MBTD1: variants seen among roughly 807,000 people sequenced by gnomAD.
MBTD1 encodes MBT domain-containing protein 1.
Under a neutral mutation model 87.8 loss-of-function variants are expected in MBTD1, and 24 were observed. That is an observed-to-expected ratio of 0.27 (90% confidence interval 0.20 to 0.38). The LOEUF is 0.38. MBTD1 is among the 10% of genes least tolerant of loss of function. MBTD1 has a pLI of 1.00. For missense variants in MBTD1, 436 were observed against 760.2 expected (o/e 0.57, Z 5.02); for synonymous variants, 237 against 248.6 (o/e 0.95, Z 0.44).
Position 51,203,779 on chromosome 17 carries a change from T to C in MBTD1, c.739+12A>G. ...ATAAAAAAATTACGGTAAGGGTAAA[T>C]AAACTACTTACTTCTAGGAGGAACA... On this transcript the variant is annotated intron_variant, in intron 8 of 16. Coordinates refer to ENST00000586178, the MANE Select transcript of MBTD1 (RefSeq NM_017643.3). The C allele has an allele frequency of 6.2e-7, 1 of 1,603,500 alleles. No homozygotes were observed. Among genetic ancestry groups the C allele is most frequent in the Non-Finnish European group, 8.5e-7 (1 of 1,177,338 alleles).
chr17:51,180,429 C>T lies in MBTD1; in HGVS notation c.*147G>A, dbSNP rs3803886. ...CCCCCTGCCCCCCCGACTAAAATAG[C>T]TCCCCCACCCACCTGAAAAATCTGG... On this transcript the variant is annotated 3_prime_UTR_variant, in exon 17 of 17. Coordinates refer to ENST00000586178, the MANE Select transcript of MBTD1 (RefSeq NM_017643.3). 75,423 of 117,646 alleles carry T rather than the reference C, an allele frequency of 0.64. 21,073 individuals are homozygous for T. Among genetic ancestry groups the T allele is most frequent in the African/African-American group, 0.76 (25,279 of 33,220 alleles). The allele number at this position is 117,646 out of a possible 1,614,324, so 7.3% of individuals were successfully genotyped here.
chr17:51,253,713 A>T (rs1348314402), intron 2 of MBTD1, among the ~76,000 whole-genome samples: 1 of 152,178 alleles, frequency 6.6e-6, no homozygotes, highest in Non-Finnish European at 1.5e-5. Flanking sequence ...AATAAAAAAT[A>T]AAAGGTTTTT....
intron 1 of MBTD1, 67 bp from the exon 2 acceptor site, chr17:51,259,273 A>C (rs1598462025): frequency 4.9e-6 from 6 of 1,231,210 alleles, no homozygotes; most frequent in Non-Finnish European, 6.1e-6. Context: ...CCGACTTGAA[A>C]CCCTTTTAAA....
At chr17:51,227,260 A>AT (rs2053281683) in intron 2 of MBTD1, among the ~76,000 whole-genome samples, 2 of 104,344 alleles carry the variant, frequency 1.9e-5, no homozygotes, top group African/African-American at 6.8e-5. Flanking sequence ...AAAAAAAAAA[A>AT]AAAAAAAATT....
intron 7 of MBTD1, 58 bp from the exon 8 acceptor site, chr17:51,203,983 C>T (rs1568172854): frequency 1.6e-5 from 22 of 1,373,834 alleles, no homozygotes; most frequent in Non-Finnish European, 2.2e-5. Flanking sequence ...TAAAACAATA[C>T]AGCATCTGAT....
chr17:51,234,860 A>AT (rs772710519), intron 2 of MBTD1, among the ~76,000 whole-genome samples: 4 of 151,680 alleles, frequency 2.6e-5, no homozygotes, highest in South Asian at 2.1e-4. Context: ...CGCCTGGCTA[A>AT]TTTTTTTTGT....
In MBTD1 at chr17:51,182,029, G is replaced by C. The variant is rs564266137; in HGVS notation, c.1769-1335C>G. 2.6e-4 allele frequency among the ~76,000 whole-genome samples: 40 copies of C among 152,104 alleles called. No homozygotes were observed. In the South Asian group the frequency reaches 8.1e-3, roughly 31 times the overall value. On this transcript the variant is annotated intron_variant, in intron 16 of 16. Transcript: ENST00000586178. ...CCACTTGAATCTAGTCCCGTGTTGA[G>C]CAATGCTACCTTCTTTCCCAACTTC...
chr17:51,232,632 C>T (rs1409776939), intron 2 of MBTD1, among the ~76,000 whole-genome samples: 1 of 151,794 alleles, frequency 6.6e-6, no homozygotes, highest in Non-Finnish European at 1.5e-5. Flanking sequence ...AATAAGAGAA[C>T]AGAATGTAAA....
At chr17:51,191,237 A>G (rs1297437781) in intron 16 of MBTD1, among the ~76,000 whole-genome samples, 1 of 151,572 alleles carries the variant, frequency 6.6e-6, no homozygotes. Context: ...ACTGTAAGGT[A>G]AAATATAGTA....
chr17:51,203,146 G>A lies in MBTD1; in HGVS notation c.822C>T (p.Ser274=). The stretch of plus-strand genomic sequence containing the variant: ...ATAAGATCCTGTTTTTTACCTTTTG[G>A]GAGAAATCAGGAGGCAGTGTTTTGG... ...TGAKTLPPDF[S]QKVSESMQYP... Residue 274 remains serine, a synonymous_variant, in exon 9 of 17, where the codon TCC becomes TCT. Transcript: ENST00000586178. The A allele has an allele frequency of 6.3e-7, 1 of 1,597,812 alleles. No individual in the cohort carries two copies. Among genetic ancestry groups the A allele is most frequent in the Non-Finnish European group, 8.5e-7 (1 of 1,175,410 alleles).
At chr17:51,198,017 C>T (rs557948511) in intron 12 of MBTD1, among the ~76,000 whole-genome samples, 1 of 152,260 alleles carries the variant, frequency 6.6e-6, no homozygotes, top group African/African-American at 2.4e-5. Context: ...CCAGTGATTC[C>T]TAAAGTTTTA....
At chr17:51,231,911 AATAT>A (rs1021909471) in intron 2 of MBTD1, among the ~76,000 whole-genome samples, 15 of 151,788 alleles carry the variant, frequency 9.9e-5, no homozygotes, top group African/African-American at 3.6e-4. Context: ...ACTAAATATT[AATAT>A]ATAAACTATA....
intron 16 of MBTD1, among the ~76,000 whole-genome samples, chr17:51,190,750 A>AAAAAATTATATATAT (rs1555677185): frequency 2.5e-5 from 1 of 39,718 alleles, no homozygotes; most frequent in Admixed American, 4.1e-4. Context: ...AAAAAAAAAA[A>AAAAAATTATATATAT]ATATATATAT....
At chr17:51,258,441 T>C (rs1161694397) in intron 2 of MBTD1, among the ~76,000 whole-genome samples, 2 of 152,046 alleles carry the variant, frequency 1.3e-5, no homozygotes, top group Non-Finnish European at 2.9e-5. Flanking sequence ...ATTAAAAATA[T>C]TGTAAACTCT....
intron 16 of MBTD1, among the ~76,000 whole-genome samples, chr17:51,191,102 A>G (rs1346749925): frequency 2.0e-5 from 3 of 152,180 alleles, no homozygotes; most frequent in Admixed American, 6.5e-5. Context: ...AAAAGAATGA[A>G]ACATTCTATG....
chr17:51,221,995 A>G (rs1379329893), intron 3 of MBTD1, among the ~76,000 whole-genome samples: 1 of 152,170 alleles, frequency 6.6e-6, no homozygotes, highest in African/African-American at 2.4e-5. Context: ...TGGGAGAGAA[A>G]ACTAAACGGT....
chr17:51,233,528 G>C (rs1251919245), intron 2 of MBTD1, among the ~76,000 whole-genome samples: 2 of 152,034 alleles, frequency 1.3e-5, no homozygotes, highest in African/African-American at 4.8e-5. Flanking sequence ...CTTTCAAAAA[G>C]CGAGTGTGTG....
intron 6 of MBTD1, among the ~76,000 whole-genome samples, chr17:51,210,502 TC>T (rs1444952203): frequency 6.6e-6 from 1 of 150,544 alleles, no homozygotes; most frequent in East Asian, 2.0e-4. Flanking sequence ...ACGCCTGTAA[TC>T]CCAGCACTTT....
At chr17:51,238,156 T>C (rs565943585) in intron 2 of MBTD1, among the ~76,000 whole-genome samples, 36 of 152,294 alleles carry the variant, frequency 2.4e-4, no homozygotes, top group African/African-American at 7.5e-4. Context: ...ATGAGGATTA[T>C]ACTACCTAGA....
Sources: gnomAD v4.1 joint callset for allele counts (sites outside exome capture counted in the v4.1 genomes callset) on GRCh38, gnomAD v4.1.1 for gene constraint, MANE v1.5 for transcripts, NCBI Gene and HGNC (gene_info 2026-07-23, HGNC 2026-07-21) for gene names.